The following CDH12 variants were observed in gnomAD, a reference collection of about 807,000 sequenced individuals.
CDH12 encodes the protein cadherin-12.
Under a neutral mutation model 74.1 loss-of-function variants are expected in CDH12, and 41 were observed. The ratio of observed to expected loss-of-function variants is 0.55; its 90% CI spans 0.43 to 0.72. The LOEUF (loss-of-function observed/expected upper bound fraction) is 0.72, where lower values mean the gene tolerates loss of function less well. Ranked by LOEUF, CDH12 falls within the 30% of genes least tolerant of loss-of-function variation. The probability of loss-of-function intolerance (pLI) is 0.00; values close to 1 mark genes in which losing one functional copy is unlikely to be tolerated. For missense variants in CDH12, 945 were observed against 977.2 expected (o/e 0.97, Z 0.44); for synonymous variants, 399 against 355.0 (o/e 1.12, Z -1.39).
chr5:22,286,629 A>G (rs114677956), intron 3 of CDH12, among the ~76,000 whole-genome samples: 3,828 of 152,034 alleles, frequency 0.025, 69 homozygotes, highest in African/African-American at 0.052. Context: ...AAAGGAGTTT[A>G]TCTGCACAGC....
chr5:22,320,641 T>C (rs934477044), intron 3 of CDH12, among the ~76,000 whole-genome samples: 17 of 152,242 alleles, frequency 1.1e-4, no homozygotes, highest in Admixed American at 1.0e-3. Flanking sequence ...CTTTAGTATT[T>C]AACTTCATAT....
chr5:21,810,780 CG>C (rs1747705389), intron 9 of CDH12, among the ~76,000 whole-genome samples: 1 of 151,940 alleles, frequency 6.6e-6, no homozygotes, highest in African/African-American at 2.4e-5. Flanking sequence ...GGTACATTAG[CG>C]TGGCTAAAAA....
chr5:22,545,011 C>T (rs1394236088), intron 1 of CDH12, among the ~76,000 whole-genome samples: 3 of 152,110 alleles, frequency 2.0e-5, no homozygotes, highest in Non-Finnish European at 4.4e-5. Flanking sequence ...CACACGTACA[C>T]ATACAAAACA....
At chr5:22,214,504 T>C (rs1751723088) in intron 3 of CDH12, among the ~76,000 whole-genome samples, 1 of 152,114 alleles carries the variant, frequency 6.6e-6, no homozygotes, top group Admixed American at 6.5e-5. Flanking sequence ...CCTGAGAGGG[T>C]TCCAACTAGT....
chr5:21,990,999 G>T (rs1255667336), intron 5 of CDH12, among the ~76,000 whole-genome samples: 1 of 151,078 alleles, frequency 6.6e-6, no homozygotes, highest in Non-Finnish European at 1.5e-5. Flanking sequence ...TCTATGTTCA[G>T]AGAATTGAAT....
At chr5:22,549,120 T>C (rs1193840228) in intron 1 of CDH12, among the ~76,000 whole-genome samples, 1 of 141,688 alleles carries the variant, frequency 7.1e-6, no homozygotes, top group African/African-American at 2.7e-5. Context: ...TTTTGTTTGT[T>C]TATTTGTTTT....
intron 2 of CDH12, among the ~76,000 whole-genome samples, chr5:22,443,333 G>A (rs1303094529): frequency 6.6e-6 from 1 of 152,098 alleles, no homozygotes; most frequent in African/African-American, 2.4e-5. Context: ...ATTGGTAGCT[G>A]ATTTAGCCCA....
intron 6 of CDH12, among the ~76,000 whole-genome samples, chr5:21,922,543 T>C (rs867489660): frequency 2.6e-5 from 4 of 152,146 alleles, no homozygotes; most frequent in Non-Finnish European, 5.9e-5. Flanking sequence ...ACAAGGTCAA[T>C]TCTCTCTTGC....
chr5:21,883,485 G>A, intron 6 of CDH12: 1 of 1,612,502 alleles, frequency 6.2e-7, no homozygotes, highest in East Asian at 2.2e-5. Context: ...TCAGGTTGTG[G>A]CAGTCAAGGC....
chr5:21,902,329 G>C (rs758595638), intron 6 of CDH12, among the ~76,000 whole-genome samples: 20 of 149,628 alleles, frequency 1.3e-4, no homozygotes, highest in African/African-American at 4.4e-4. Flanking sequence ...TATCTCCCTC[G>C]CTATTTCTCT....
intron 3 of CDH12, among the ~76,000 whole-genome samples, chr5:22,238,354 G>A: frequency 6.6e-6 from 1 of 152,072 alleles, no homozygotes; most frequent in East Asian, 1.9e-4. Flanking sequence ...TTTTTTCAGT[G>A]CTTGATAAGA....
At chr5:21,768,312 A>T (rs572485430) in intron 11 of CDH12, among the ~76,000 whole-genome samples, 2 of 151,970 alleles carry the variant, frequency 1.3e-5, no homozygotes, top group South Asian at 2.1e-4. Context: ...ATGCTTTGTT[A>T]GATCTTCCTC....
At chr5:21,774,019 T>C (rs892421582) in intron 11 of CDH12, among the ~76,000 whole-genome samples, 3 of 152,150 alleles carry the variant, frequency 2.0e-5, no homozygotes, top group Non-Finnish European at 2.9e-5. Flanking sequence ...TGTGTGTGGG[T>C]TCAAGTTGAC....
chr5:22,800,684 T>G (rs1385277720), intron 1 of CDH12, among the ~76,000 whole-genome samples: 1 of 152,208 alleles, frequency 6.6e-6, no homozygotes, highest in East Asian at 1.9e-4. Flanking sequence ...AAAAATCCTC[T>G]GTATACCACC....
intron 1 of CDH12, among the ~76,000 whole-genome samples, chr5:22,835,174 C>A (rs1232886932): frequency 1.3e-5 from 2 of 152,020 alleles, no homozygotes; most frequent in Non-Finnish European, 2.9e-5. Context: ...ACCTATTTGT[C>A]ATATCATGAT....
chr5:22,404,597 A>G, intron 3 of CDH12, among the ~76,000 whole-genome samples: 1 of 152,182 alleles, frequency 6.6e-6, no homozygotes, highest in Non-Finnish European at 1.5e-5. Context: ...TGGCTTTCTA[A>G]CCAGTAAAAT....
rs557143600 is a variant in CDH12, at chr5:22,453,404, A to G, written c.-427-48053T>C. Among the ~76,000 whole-genome samples, 169 of 152,294 alleles carry G rather than the reference A, an allele frequency of 1.1e-3. 1 individual carries two copies. The highest frequency in any genetic ancestry group is 3.8e-3 in the African/African-American group (158 of 41,580). On this transcript the variant is annotated intron_variant, in intron 2 of 14. Transcript: ENST00000382254. ...ACGCACAATGGAATGCTATTCAGCT[A>G]TAAAATAGAATGAAATTCTATTGTT...
At chr5:22,305,189 T>A (rs1475862354) in intron 3 of CDH12, among the ~76,000 whole-genome samples, 1 of 152,132 alleles carries the variant, frequency 6.6e-6, no homozygotes, top group African/African-American at 2.4e-5. Context: ...TATTCCTGAG[T>A]CATAGTCCTG....
At chr5:22,528,051 A>G (rs898665560) in intron 1 of CDH12, among the ~76,000 whole-genome samples, 8 of 152,098 alleles carry the variant, frequency 5.3e-5, no homozygotes, top group African/African-American at 1.9e-4. Flanking sequence ...CTTGGATTAT[A>G]GCATGTCTCC....
Sources: gnomAD v4.1 joint callset for allele counts (sites outside exome capture counted in the v4.1 genomes callset) on GRCh38, gnomAD v4.1.1 for gene constraint, MANE v1.5 for transcripts, NCBI Gene and HGNC (gene_info 2026-07-23, HGNC 2026-07-21) for gene names.